The following TMEM67 variants were observed in gnomAD, a reference collection of about 807,000 sequenced individuals.
TMEM67 encodes the protein meckelin.
TMEM67 carries 124 observed loss-of-function variants against 136.6 expected under a neutral mutation model. That is an observed-to-expected ratio of 0.91 (90% CI 0.78 to 1.05). The LOEUF (loss-of-function observed/expected upper bound fraction) is 1.05, where lower values mean the gene tolerates loss of function less well. Among genes scored for constraint, TMEM67 ranks in the 50% least tolerant of loss-of-function variants. The probability of loss-of-function intolerance (pLI) is 0.00; values close to 1 mark genes in which losing one functional copy is unlikely to be tolerated. For missense variants in TMEM67, 1,107 were observed against 1,178.4 expected, an observed-to-expected ratio of 0.94 and a Z score of 0.89; for synonymous variants, 364 against 390.5, an observed-to-expected ratio of 0.93 and a Z score of 0.80.
chr8:93,790,697 CT>C (rs1814336529), intron 14 of TMEM67, among the ~76,000 whole-genome samples: 1 of 152,148 alleles, frequency 6.6e-6, no homozygotes, highest in Admixed American at 6.5e-5. Flanking sequence ...TAGTGGCTTT[CT>C]TTACCTTGAC....
intron 16 of TMEM67, 188 bp from the exon 17 acceptor site, chr8:93,795,221 G>T (rs1349443656): frequency 6.3e-6 from 4 of 631,304 alleles, no homozygotes; most frequent in Non-Finnish European, 1.1e-5. Flanking sequence ...CGGCCAGAAA[G>T]GTAAGGAGCC....
At chr8:93,814,365 G>T (rs988517998) in intron 26 of TMEM67, among the ~76,000 whole-genome samples, 1 of 150,142 alleles carries the variant, frequency 6.7e-6, no homozygotes, top group Non-Finnish European at 1.5e-5. Flanking sequence ...AGTCTTGATC[G>T]CCTGACCTCG....
At chr8:93,813,731 G>T (rs529027736) in intron 26 of TMEM67, among the ~76,000 whole-genome samples, 1 of 152,212 alleles carries the variant, frequency 6.6e-6, no homozygotes, top group South Asian at 2.1e-4. Context: ...GGTACTTCAG[G>T]ACATCTAGGA....
intron 15 of TMEM67, chr8:93,791,767 G>A (rs1286099281): frequency 6.5e-6 from 1 of 153,440 alleles, no homozygotes; most frequent in Non-Finnish European, 1.5e-5. Flanking sequence ...CCACCAAAGT[G>A]ATGCTATAAT....
At chr8:93,789,471 C>T (rs1814270095) in intron 14 of TMEM67, among the ~76,000 whole-genome samples, 2 of 151,784 alleles carry the variant, frequency 1.3e-5, no homozygotes. Flanking sequence ...CATAGTGAAA[C>T]CCTGTCTCTA....
At chr8:93,768,612 AAAAAT>A (rs1156267916) in intron 6 of TMEM67, among the ~76,000 whole-genome samples, 5 of 152,090 alleles carry the variant, frequency 3.3e-5, no homozygotes, top group Admixed American at 6.6e-5. Context: ...TCTGTCTCAA[AAAAAT>A]AAAATAAAAT....
rs954707506 is a variant in TMEM67, at chr8:93,758,385, C to T, written c.313-98C>T. 1.2e-5 allele frequency: 10 copies of T among 841,646 alleles called. No homozygotes were observed. The Middle Eastern group carries it at 9.3e-4, about 78-fold the overall frequency. The allele number at this position is 841,646 out of a possible 1,614,324, so 52.1% of individuals were successfully genotyped here. A position where few individuals can be genotyped will look rare whatever the true frequency, so the allele number is the denominator to read the frequency against. On this transcript the variant is annotated intron_variant, in intron 2 of 27. Coordinates refer to ENST00000453321, the MANE Select transcript of TMEM67 (RefSeq NM_153704.6). ...TATATGTATGATTTATTTGAATATTCACTGTAGTTACATACTCTTATGGCA... is the reference window on the plus strand; with the variant it reads ...TATATGTATGATTTATTTGAATATTTACTGTAGTTACATACTCTTATGGCA...
intron 15 of TMEM67, 87 bp downstream of exon 15, chr8:93,791,406 T>A: frequency 1.1e-6 from 1 of 907,224 alleles, no homozygotes; most frequent in Non-Finnish European, 1.8e-6. Flanking sequence ...TAAAACAAAT[T>A]TGCCAGCTAT....
chr8:93,794,963 TA>T (rs1328295318), intron 16 of TMEM67: 7 of 189,442 alleles, frequency 3.7e-5, no homozygotes, highest in African/African-American at 1.7e-4. Flanking sequence ...CAGATGAGGC[TA>T]AAAAGTTAAT....
chr8:93,829,207 A>T, the TMEM67 span, among the ~76,000 whole-genome samples: 1 of 152,128 alleles, frequency 6.6e-6, no homozygotes, highest in East Asian at 1.9e-4. Flanking sequence ...ACTTTCCAGG[A>T]ATGCCTGCAC....
intron 11 of TMEM67, among the ~76,000 whole-genome samples, chr8:93,782,875 G>A (rs114232393): frequency 0.014 from 2,179 of 151,790 alleles, 60 homozygotes; most frequent in African/African-American, 0.048. Context: ...GTGCCTGGCC[G>A]GAAATGTTTT....
At chr8:93,761,591 A>G (rs1045142461) in intron 3 of TMEM67, among the ~76,000 whole-genome samples, 8 of 152,228 alleles carry the variant, frequency 5.3e-5, no homozygotes, top group African/African-American at 1.7e-4. Context: ...TTCTATCAAG[A>G]TGAGATCAAT....
chr8:93,791,159 ATAGTGTT>A, intron 14 of TMEM67, 97 bp from the exon 15 acceptor site: 1 of 740,488 alleles, frequency 1.4e-6, no homozygotes, highest in Non-Finnish European at 2.3e-6. Context: ...GTTAAAAACT[ATAGTGTT>A]TATGGTAAAA....
rs189786811 is a variant in TMEM67 at position 93,778,236 on chromosome 8, C to T, written c.715-2357C>T. Among the ~76,000 whole-genome samples the T allele has an allele frequency of 4.7e-3, 722 of 152,274 alleles. 1 individual carries two copies. The highest frequency in any genetic ancestry group is 0.016 in the African/African-American group (674 of 41,544). On this transcript the variant is annotated intron_variant, in intron 7 of 27. Coordinates refer to ENST00000453321, the MANE Select transcript of TMEM67 (RefSeq NM_153704.6). ...TCTTCCTCCATCCCTTTATTTTGAGCCTATGTGTGTCTTTGCACGTGAGAT... is the reference window on the plus strand; with the variant it reads ...TCTTCCTCCATCCCTTTATTTTGAGTCTATGTGTGTCTTTGCACGTGAGAT...
downstream of TMEM67, among the ~76,000 whole-genome samples, chr8:93,822,786 T>C (rs1363925287): frequency 6.6e-6 from 1 of 152,196 alleles, no homozygotes; most frequent in African/African-American, 2.4e-5. Context: ...TTCATCCATC[T>C]CCTAGGGAAT....
At chr8:93,786,783 A>G (rs576389303) in intron 13 of TMEM67, among the ~76,000 whole-genome samples, 1 of 152,276 alleles carries the variant, frequency 6.6e-6, no homozygotes, top group South Asian at 2.1e-4. Context: ...ATCCTACGTT[A>G]GGATAGTACC....
At chr8:93,796,907 A>G (rs546278855) in intron 18 of TMEM67, among the ~76,000 whole-genome samples, 1 of 152,306 alleles carries the variant, frequency 6.6e-6, no homozygotes, top group South Asian at 2.1e-4. Context: ...AGAAAGAAAA[A>G]GGGAAGGTAA....
intron 26 of TMEM67, among the ~76,000 whole-genome samples, chr8:93,814,501 C>T (rs1444157692): frequency 6.7e-6 from 1 of 149,852 alleles, no homozygotes; most frequent in Non-Finnish European, 1.5e-5. Flanking sequence ...TGCTCTGTTG[C>T]CCAGGCTAGA....
At chr8:93,824,648 C>G in the TMEM67 span, among the ~76,000 whole-genome samples, 113 of 152,240 alleles carry the variant, frequency 7.4e-4, no homozygotes, top group Middle Eastern at 3.4e-3. Flanking sequence ...GAATTCCCAA[C>G]TTCTCTATTT....
Sources: allele counts gnomAD v4.1 joint callset (sites outside exome capture counted in the v4.1 genomes callset), GRCh38; gene constraint gnomAD v4.1.1; transcripts MANE v1.5; gene names NCBI Gene and HGNC (gene_info 2026-07-23, HGNC 2026-07-21).